Variants in PCDHGA10 observed in about 807,000 individuals in gnomAD.
PCDHGA10 encodes the protein protocadherin gamma-A10.
Under a neutral mutation model 59.5 loss-of-function variants are expected in PCDHGA10, and 42 were observed. That is an observed-to-expected ratio of 0.71 (90% confidence interval 0.55 to 0.91). PCDHGA10 has a LOEUF of 0.91. PCDHGA10 is among the 40% of genes least tolerant of loss of function. PCDHGA10 has a pLI of 0.00. For synonymous variants in PCDHGA10, 511 were observed against 517.2 expected (o/e 0.99, Z 0.16); for missense variants, 1,111 against 1,198.2 (o/e 0.93, Z 1.07).
Position 141,429,390 on chromosome 5 carries a change from A to ATTTT in PCDHGA10, c.2436+13779_2436+13780insTTTT, listed in dbSNP as rs1561841316. ...TGGAGAAAATGTGTTTTTTTTTTAA[A>ATTTT]AAAAATTGAGATTAAGGTCTCATTA... On this transcript the variant is annotated intron_variant, in intron 1 of 3. Coordinates refer to ENST00000398610, the MANE Select transcript of PCDHGA10 (RefSeq NM_018913.3). 1.2e-4 allele frequency among the ~76,000 whole-genome samples: 18 copies of ATTTT among 150,328 alleles called. No homozygotes were observed. In the East Asian group the frequency reaches 1.9e-3, roughly 16 times the overall value.
chr5:141,428,395 G>A, intron 1 of PCDHGA10: 1 of 488,280 alleles, frequency 2.0e-6, no homozygotes, highest in Non-Finnish European at 3.8e-6. Flanking sequence ...CAGCCCCTCT[G>A]CCTGGGGTTG....
intron 1 of PCDHGA10, chr5:141,423,750 TGGGGG>T: frequency 5.2e-5 from 15 of 287,416 alleles, no homozygotes; most frequent in Non-Finnish European, 6.3e-5. Context: ...GAAAACTGTT[TGGGGG>T]GGGGGTGGGG....
rs1246027327 is a variant in PCDHGA10, at chr5:141,491,976, C to A, written c.2437-2831C>A. On this transcript the variant is annotated intron_variant, in intron 1 of 3. Transcript: ENST00000398610. This position sits in a 1 kb window ranked among gnomAD's most constrained non-coding sequence, Gnocchi z 6.9. ...ACTCAAAAAAGGCCGGGGCCTCCTT[C>A]GAGCTTCCGGTGAATTTCGGGCGAT... 3 of 800,708 alleles carry A rather than the reference C, an allele frequency of 3.7e-6. No individual in the cohort carries two copies. The Admixed American group carries it at 1.1e-4, about 30-fold the overall frequency. 49.6% of individuals were successfully genotyped at this position (800,708 alleles called of 1,614,324 possible).
chr5:141,478,497 C>A (rs746475685), intron 1 of PCDHGA10: 2 of 1,612,820 alleles, frequency 1.2e-6, no homozygotes, highest in Non-Finnish European at 1.7e-6. Context: ...AGCTGTGATC[C>A]GGTGTTCTAT....
chr5:141,439,531 G>T (rs1474855779), intron 1 of PCDHGA10, among the ~76,000 whole-genome samples: 1 of 152,126 alleles, frequency 6.6e-6, no homozygotes, highest in Non-Finnish European at 1.5e-5. Context: ...TCTACAGAAC[G>T]CTGTCCTCTC....
chr5:141,474,516 T>G (rs999585038), intron 1 of PCDHGA10, among the ~76,000 whole-genome samples: 1 of 152,240 alleles, frequency 6.6e-6, no homozygotes, highest in Non-Finnish European at 1.5e-5. Context: ...GCCCTCTTGC[T>G]GGTCTGGCTA....
In PCDHGA10 at chr5:141,432,198, AC is replaced by A. The variant is rs1345236539; in HGVS notation, c.2436+16588del. ...GTCTCTGTGACCGCCCACGACCCCG[AC>A]TGTGAAGAGAACGCCCAGATCACTT... is the stretch of plus-strand genomic sequence containing the variant. On this transcript the variant is annotated intron_variant, in intron 1 of 3. Coordinates refer to ENST00000398610, the MANE Select transcript of PCDHGA10 (RefSeq NM_018913.3). This position sits in a 1 kb window ranked among gnomAD's most constrained non-coding sequence, Gnocchi z 6.0. 6 of 1,613,998 alleles carry A rather than the reference AC, an allele frequency of 3.7e-6. No homozygotes were observed. Among genetic ancestry groups the A allele is most frequent in the Non-Finnish European group, 4.2e-6 (5 of 1,180,030 alleles).
At chr5:141,422,424 T>G (rs1182660567) in intron 1 of PCDHGA10, 3 of 1,607,958 alleles carry the variant, frequency 1.9e-6, no homozygotes, top group Non-Finnish European at 2.5e-6. Flanking sequence ...AAAAGACTTA[T>G]GGAAATTATT....
Position 141,415,627 on chromosome 5 carries a change from A to T in PCDHGA10, c.2436+16A>T. 6.3e-7 allele frequency: 1 copy of T among 1,598,406 alleles called. No homozygotes were observed. Among genetic ancestry groups the T allele is most frequent in the Non-Finnish European group, 8.5e-7 (1 of 1,175,340 alleles). On this transcript the variant is annotated intron_variant, in intron 1 of 3. Transcript: ENST00000398610. ...ATTGGTTCCAGTGAGTTTTATTTTCATTTTTACTTTTGTTAAAAAAAAAAA... is the reference window on the plus strand; with the variant it reads ...ATTGGTTCCAGTGAGTTTTATTTTCTTTTTTACTTTTGTTAAAAAAAAAAA...
intron 1 of PCDHGA10, among the ~76,000 whole-genome samples, chr5:141,437,450 G>A (rs2097885331): frequency 6.6e-6 from 1 of 152,148 alleles, no homozygotes; most frequent in Non-Finnish European, 1.5e-5. Context: ...GAATGTTGAG[G>A]AGACTATACT....
chr5:141,506,834 C>T (rs2099856597), intron 3 of PCDHGA10, among the ~76,000 whole-genome samples: 1 of 152,140 alleles, frequency 6.6e-6, no homozygotes, highest in Non-Finnish European at 1.5e-5. Flanking sequence ...ACTGATAGCC[C>T]TGCCCTCCAG....
At chr5:141,417,993 C>T (rs753867006) in intron 1 of PCDHGA10, 11 of 1,613,830 alleles carry the variant, frequency 6.8e-6, no homozygotes, top group Non-Finnish European at 7.6e-6. Flanking sequence ...GCCAAGGGCT[C>T]GGTGGTGGGG....
In PCDHGA10 at chr5:141,511,307, G is replaced by A. The variant is rs919320754; in HGVS notation, c.*134G>A. On this transcript the variant is annotated 3_prime_UTR_variant, in exon 4 of 4. Coordinates refer to ENST00000398610, the MANE Select transcript of PCDHGA10 (RefSeq NM_018913.3). ...TAGGGGCCAAGGCCATGCTCCCCTT[G>A]GGAAACAGAAACAAGTGCCCAGTCA... 8 of 1,488,416 alleles carry A rather than the reference G, an allele frequency of 5.4e-6. No individual in the cohort carries two copies. Among genetic ancestry groups the A allele is most frequent in the Non-Finnish European group, 5.4e-6 (6 of 1,115,202 alleles). The allele number at this position is 1,488,416 out of a possible 1,614,324, so 92.2% of individuals were successfully genotyped here. A position where few individuals can be genotyped will look rare whatever the true frequency, so the allele number is the denominator to read the frequency against.
chr5:141,489,267 C>A lies in PCDHGA10; in HGVS notation c.2437-5540C>A. On this transcript the variant is annotated intron_variant, in intron 1 of 3. Transcript: ENST00000398610. This position sits in a 1 kb window ranked among gnomAD's most constrained non-coding sequence, Gnocchi z 4.5. ...TGGGGCCCAAGACACTCCCACAGCT[C>A]GCTGGGAAATGGCAAGTGCTGTGCA... is the stretch of plus-strand genomic sequence containing the variant. 1 of 1,553,300 alleles carries A rather than the reference C, an allele frequency of 6.4e-7. No homozygotes were observed. The highest frequency in any genetic ancestry group is 8.7e-7 in the Non-Finnish European group (1 of 1,149,864).
rs2096779089 is a variant in PCDHGA10, at chr5:141,423,760, G to GA, written c.2436+8149_2436+8150insA. On this transcript the variant is annotated intron_variant, in intron 1 of 3. Transcript: ENST00000398610. ...GTTATGAAAACTGTTTGGGGGGGGG[G>GA]TGGGGCGGCATATATTTAGTTCATA... 1.1e-5 allele frequency: 3 copies of GA among 279,664 alleles called. 1 individual carries two copies. Among genetic ancestry groups the GA allele is most frequent in the African/African-American group, 6.7e-5 (2 of 29,702 alleles). The allele number at this position is 279,664 out of a possible 1,614,324, so 17.3% of individuals were successfully genotyped here.
chr5:141,454,898 C>T (rs1426884791), intron 1 of PCDHGA10, among the ~76,000 whole-genome samples: 1 of 147,834 alleles, frequency 6.8e-6, no homozygotes, highest in Non-Finnish European at 1.5e-5. Flanking sequence ...AGCACCGCCT[C>T]CCGGGTTCAC....
rs1054594374 is a variant in PCDHGA10 at position 141,489,607 on chromosome 5, A to G, written c.2437-5200A>G. On this transcript the variant is annotated intron_variant, in intron 1 of 3. Coordinates refer to ENST00000398610, the MANE Select transcript of PCDHGA10 (RefSeq NM_018913.3). This position sits in a 1 kb window ranked among gnomAD's most constrained non-coding sequence, Gnocchi z 4.5. ...GGAGCTAATCCGTGTAGAGGTAGAG[A>G]TCCTGGATCTCAATGACAACTCTCC... The G allele has an allele frequency of 6.2e-6, 10 of 1,613,850 alleles. No homozygotes were observed. The highest frequency in any genetic ancestry group is 8.5e-6 in the Non-Finnish European group (10 of 1,179,956).
rs1426305491 is a variant in PCDHGA10 at position 141,489,758 on chromosome 5, G to A, written c.2437-5049G>A. 1 of 1,614,084 alleles carries A rather than the reference G, an allele frequency of 6.2e-7. No homozygotes were observed. The highest frequency in any genetic ancestry group is 1.7e-5 in the Admixed American group (1 of 60,020). On this transcript the variant is annotated intron_variant, in intron 1 of 3. Coordinates refer to ENST00000398610, the MANE Select transcript of PCDHGA10 (RefSeq NM_018913.3). The surrounding 1 kb of genome is among the most constrained non-coding windows in gnomAD (Gnocchi z 4.5). ...AATACTGTGAGCTTTTACACTCTAAGCCCCAACAGCCACTTCTCTCTGAAT... is the reference window on the plus strand; with the variant it reads ...AATACTGTGAGCTTTTACACTCTAAACCCCAACAGCCACTTCTCTCTGAAT...
Position 141,490,142 on chromosome 5 carries a change from C to A in PCDHGA10, c.2437-4665C>A. On this transcript the variant is annotated intron_variant, in intron 1 of 3. Coordinates refer to ENST00000398610, the MANE Select transcript of PCDHGA10 (RefSeq NM_018913.3). This position sits in a 1 kb window ranked among gnomAD's most constrained non-coding sequence, Gnocchi z 5.4. The stretch of plus-strand genomic sequence containing the variant: ...TTTGGCCTAGACCCTAGCAGTGGGG[C>A]AATCCATGTGTTGGGTCCCATAGAC... The A allele has an allele frequency of 1.9e-6, 3 of 1,614,220 alleles. No individual in the cohort carries two copies. The highest frequency in any genetic ancestry group is 2.7e-5 in the African/African-American group (2 of 75,060).
Sources: allele counts gnomAD v4.1 joint callset (sites outside exome capture counted in the v4.1 genomes callset), GRCh38; gene constraint gnomAD v4.1.1; non-coding constraint Gnocchi (gnomAD v3.1); transcripts MANE v1.5; gene names NCBI Gene and HGNC (gene_info 2026-07-23, HGNC 2026-07-21).